TRAIP: variants seen among roughly 807,000 people sequenced by gnomAD.
TRAIP encodes TRAF interacting protein, also known as E3 ubiquitin-protein ligase TRAIP.
In TRAIP, 37 loss-of-function variants were observed where a neutral mutation model predicts 65.0. The observed-to-expected ratio is 0.57, with a 90% CI of 0.44 to 0.75. The LOEUF (loss-of-function observed/expected upper bound fraction) is 0.75, where lower values mean the gene tolerates loss of function less well. TRAIP is among the 30% of genes least tolerant of loss of function. The probability of loss-of-function intolerance (pLI) is 0.00; values close to 1 mark genes in which losing one functional copy is unlikely to be tolerated. For missense variants in TRAIP, 481 were observed against 579.4 expected, an observed-to-expected ratio of 0.83 and a Z score of 1.74; for synonymous variants, 187 against 219.1, an observed-to-expected ratio of 0.85 and a Z score of 1.29.
intron 10 of TRAIP, among the ~76,000 whole-genome samples, chr3:49,836,045 C>A (rs2108312641): frequency 6.6e-6 from 1 of 151,896 alleles, no homozygotes; most frequent in South Asian, 2.1e-4. Flanking sequence ...TCACTGCAAC[C>A]TCCACCTCCC....
At position 49,831,256 on chromosome 3, in the gene TRAIP, T is replaced by C. The variant is rs952130727; in HGVS notation, c.1037+660A>G. On this transcript the variant is annotated intron_variant, in intron 11 of 14. Transcript: ENST00000331456. ...TCTTTCTCTTTCTCTTCTTTCTCTC[T>C]GTACAAAGTCTTTGAAAAAGAGGAA... 3.3e-5 allele frequency among the ~76,000 whole-genome samples: 5 copies of C among 152,258 alleles called. No individual in the cohort carries two copies. The East Asian group carries it at 5.8e-4, about 18-fold the overall frequency.
intron 14 of TRAIP, 47 bp from the exon 15 acceptor site, chr3:49,829,272 AG>A: frequency 6.2e-7 from 1 of 1,613,932 alleles, no homozygotes; most frequent in Non-Finnish European, 8.5e-7. Flanking sequence ...ACTGCAATGC[AG>A]GGCGAGAAAG....
intron 1 of TRAIP, among the ~76,000 whole-genome samples, chr3:49,855,539 G>A (rs979986271): frequency 5.3e-5 from 8 of 152,216 alleles, no homozygotes; most frequent in South Asian, 2.1e-4. Flanking sequence ...GCTTAGAGGC[G>A]AGCTTAATTT....
chr3:49,838,586 A>G (rs1394211296), intron 10 of TRAIP, among the ~76,000 whole-genome samples: 2 of 152,186 alleles, frequency 1.3e-5, no homozygotes, highest in Admixed American at 1.3e-4. Flanking sequence ...TGAAGAGGTA[A>G]AGAAAGTAAA....
chr3:49,849,043 C>T (rs2081909485), intron 1 of TRAIP, among the ~76,000 whole-genome samples: 1 of 152,020 alleles, frequency 6.6e-6, no homozygotes, highest in Non-Finnish European at 1.5e-5. Flanking sequence ...CAGGGTTTCA[C>T]CATGTTGGCC....
At chr3:49,852,980 G>C (rs2081946013) in intron 1 of TRAIP, among the ~76,000 whole-genome samples, 2 of 150,874 alleles carry the variant, frequency 1.3e-5, no homozygotes, top group South Asian at 4.2e-4. Context: ...AATTTAGCCG[G>C]GCATGATGAC....
At position 49,841,072 on chromosome 3, in the gene TRAIP, TCTGCAATGTGG is replaced by T; in HGVS notation, c.618-11_618-1del. The T allele has an allele frequency of 1.2e-6, 2 of 1,614,024 alleles. No homozygotes were observed. The highest frequency in any genetic ancestry group is 1.7e-6 in the Non-Finnish European group (2 of 1,179,894). On this transcript the variant is annotated splice_acceptor_variant and splice_polypyrimidine_tract_variant and intron_variant, in intron 7 of 14. Coordinates refer to ENST00000331456, the MANE Select transcript of TRAIP (RefSeq NM_005879.3). LOFTEE classifies it high-confidence loss of function. ...GTGCCTCTTTTAGATTCTCGTACTC[TCTGCAATGTGG>T]CCATGGAAAGAGATGCCAGAAAAGA... is the stretch of plus-strand genomic sequence containing the variant.
chr3:49,829,512 G>A lies in TRAIP; in HGVS notation c.1237-4C>T, dbSNP rs771895269. 2 of 1,614,168 alleles carry A rather than the reference G, an allele frequency of 1.2e-6. No homozygotes were observed. The highest frequency in any genetic ancestry group is 1.7e-6 in the Non-Finnish European group (2 of 1,180,032). On this transcript the variant is annotated splice_polypyrimidine_tract_variant and splice_region_variant and intron_variant, in intron 13 of 14. Coordinates refer to ENST00000331456, the MANE Select transcript of TRAIP (RefSeq NM_005879.3). ...GCCCATCGAAGCCTGTCCTTACCTAGGGTGGAAGGAAGAGATGAGTGGGCC... is the reference window on the plus strand; with the variant it reads ...GCCCATCGAAGCCTGTCCTTACCTAAGGTGGAAGGAAGAGATGAGTGGGCC...
At chr3:49,829,860 C>A in intron 12 of TRAIP, 94 bp from the exon 13 acceptor site, 3 of 1,587,716 alleles carry the variant, frequency 1.9e-6, no homozygotes, top group Non-Finnish European at 2.6e-6. Flanking sequence ...ATCTCTGATG[C>A]CTCACTAGGA....
chr3:49,845,013 C>T (rs948316030), intron 3 of TRAIP, among the ~76,000 whole-genome samples: 2 of 152,240 alleles, frequency 1.3e-5, no homozygotes, highest in Non-Finnish European at 2.9e-5. Context: ...TCCTCCTCTC[C>T]ACCCTGGGTC....
At chr3:49,832,414 C>T (rs1450689188) in intron 10 of TRAIP, among the ~76,000 whole-genome samples, 1 of 149,128 alleles carries the variant, frequency 6.7e-6, no homozygotes, top group Admixed American at 6.8e-5. Context: ...TGCTTGAACT[C>T]GGGAGGCAGA....
At chr3:49,831,844 G>T in intron 11 of TRAIP, 72 bp downstream of exon 11, 1 of 1,430,060 alleles carries the variant, frequency 7.0e-7, no homozygotes, top group Admixed American at 2.5e-5. Context: ...AGAGCTAACA[G>T]CACAGGGCCT....
At chr3:49,842,394 T>A in intron 6 of TRAIP, 59 bp downstream of exon 6, 1 of 1,541,224 alleles carries the variant, frequency 6.5e-7, no homozygotes. Context: ...TCCTAAGAAC[T>A]GTACCACTTG....
At position 49,856,546 on chromosome 3, in the gene TRAIP, T is replaced by C. The variant is rs973970828; in HGVS notation, c.-93A>G. The C allele has an allele frequency of 1.7e-6, 2 of 1,159,548 alleles. No individual in the cohort carries two copies. Among genetic ancestry groups the C allele is most frequent in the Non-Finnish European group, 2.5e-6 (2 of 804,102 alleles). The allele number at this position is 1,159,548 out of a possible 1,614,324, so 71.8% of individuals were successfully genotyped here. The stretch of plus-strand genomic sequence containing the variant: ...CCCGCGCCTCCGCTTGCTTCAAATT[T>C]GGCTCCGCAGCACGACTTCCTGGAG... On this transcript the variant is annotated 5_prime_UTR_variant, in exon 1 of 15. Transcript: ENST00000331456.
chr3:49,847,791 G>A (rs1559451017), intron 2 of TRAIP, among the ~76,000 whole-genome samples, 183 bp from the exon 3 acceptor site: 1 of 152,144 alleles, frequency 6.6e-6, no homozygotes, highest in Non-Finnish European at 1.5e-5. Context: ...ACCCCAAGTT[G>A]GGGCTGCTGG....
chr3:49,829,828 GT>G (rs1267108640), intron 12 of TRAIP, 62 bp from the exon 13 acceptor site: 19 of 1,605,002 alleles, frequency 1.2e-5, no homozygotes, highest in Non-Finnish European at 1.5e-5. Context: ...AGGGAGGGTA[GT>G]GGTGGTGGAA....
chr3:49,855,002 T>A (rs1321029655), intron 1 of TRAIP, among the ~76,000 whole-genome samples: 1 of 152,104 alleles, frequency 6.6e-6, no homozygotes, highest in East Asian at 1.9e-4. Context: ...AGGTAGAGGC[T>A]GCAGTGAGCC....
chr3:49,856,328 A>G (rs767827782), intron 1 of TRAIP, 28 bp downstream of exon 1: 35 of 1,600,040 alleles, frequency 2.2e-5, no homozygotes, highest in Non-Finnish European at 2.7e-5. Context: ...CCGGGCAAAC[A>G]CCGGGCCCCA....
intron 1 of TRAIP, among the ~76,000 whole-genome samples, chr3:49,854,213 T>C (rs2081954433): frequency 6.6e-6 from 1 of 152,102 alleles, no homozygotes; most frequent in African/African-American, 2.4e-5. Context: ...TAGTCCCAGC[T>C]AGTTGTGAGG....
Sources: allele counts gnomAD v4.1 joint callset (sites outside exome capture counted in the v4.1 genomes callset), GRCh38; gene constraint gnomAD v4.1.1; transcripts MANE v1.5; gene names NCBI Gene and HGNC (gene_info 2026-07-23, HGNC 2026-07-21).